The following ZNF738 variants were observed in gnomAD, a reference collection of about 807,000 sequenced individuals.
ZNF738 encodes the protein protein ZNF738.
ZNF738 carries 10 observed loss-of-function variants against 9.2 expected under a neutral mutation model. That is an observed-to-expected ratio of 1.09 (90% CI 0.67 to 1.85). The LOEUF is 1.85. Among genes scored for constraint, ZNF738 ranks in the 40% most tolerant of loss-of-function variants. The pLI, the probability that ZNF738 is intolerant of heterozygous loss-of-function variation, is 0.00. For missense variants in ZNF738, 346 were observed against 283.6 expected, an observed-to-expected ratio of 1.22 and a Z score of -1.58; for synonymous variants, 113 against 94.5, an observed-to-expected ratio of 1.20 and a Z score of -1.14.
chr19:21,359,479 G>A (rs1199729029), intron 1 of ZNF738, among the ~76,000 whole-genome samples: 1 of 152,194 alleles, frequency 6.6e-6, no homozygotes, highest in African/African-American at 2.4e-5. Flanking sequence ...TTGGGGTGCG[G>A]GTTCATGAAT....
intron 4 of ZNF738, chr19:21,378,224 T>G (rs1329143257): frequency 2.9e-6 from 1 of 346,300 alleles, no homozygotes; most frequent in East Asian, 4.0e-5. Flanking sequence ...TTTCAAATTT[T>G]GGGGAATAAT....
At chr19:21,359,164 A>G (rs1308817708) in intron 1 of ZNF738, 21 bp downstream of exon 1, 1 of 1,034,952 alleles carries the variant, frequency 9.7e-7, no homozygotes, top group African/African-American at 1.6e-5. Flanking sequence ...GGGGTCCAAC[A>G]TCCCGAGAGA....
In ZNF738 at chr19:21,386,784, C is replaced by T. The variant is rs1242827410; in HGVS notation, c.*3110C>T. The stretch of plus-strand genomic sequence containing the variant: ...GCAATACTGTGGCATGATTTCAGCT[C>T]ACTGCAACCTCCGTCTCCCAGGTTT... On this transcript the variant is annotated 3_prime_UTR_variant, in exon 5 of 5. Coordinates refer to ENST00000683779, the MANE Select transcript of ZNF738 (RefSeq NM_001355237.2). 5.8e-6 allele frequency: 1 copy of T among 173,078 alleles called. No homozygotes were observed. The highest frequency in any genetic ancestry group is 1.2e-5 in the Non-Finnish European group (1 of 81,128). 10.7% of individuals were successfully genotyped at this position (173,078 alleles called of 1,614,324 possible).
chr19:21,362,614 CT>C (rs1235510527), intron 2 of ZNF738, among the ~76,000 whole-genome samples: 1 of 152,126 alleles, frequency 6.6e-6, no homozygotes, highest in Non-Finnish European at 1.5e-5. Context: ...TTATTTTCAC[CT>C]GTTTTTTAGC....
chr19:21,372,004 C>A (rs1429857416), intron 2 of ZNF738: 1 of 152,820 alleles, frequency 6.5e-6, no homozygotes, highest in Non-Finnish European at 1.5e-5. Context: ...AGTGCAATGG[C>A]GCGATCTCAG....
intron 1 of ZNF738, among the ~76,000 whole-genome samples, chr19:21,361,126 TG>T (rs904055432): frequency 6.7e-6 from 1 of 149,978 alleles, no homozygotes; most frequent in Admixed American, 6.7e-5. Flanking sequence ...AATGGTGTTT[TG>T]GGGGTTTTTT....
intron 4 of ZNF738, among the ~76,000 whole-genome samples, chr19:21,380,819 C>A (rs1292038454): frequency 1.3e-5 from 2 of 152,080 alleles, no homozygotes; most frequent in Non-Finnish European, 2.9e-5. Context: ...GTCAGGACGT[C>A]CTGTCTCAGA....
chr19:21,379,986 T>C (rs1973985010), intron 4 of ZNF738, among the ~76,000 whole-genome samples: 1 of 152,166 alleles, frequency 6.6e-6, no homozygotes, highest in Non-Finnish European at 1.5e-5. Flanking sequence ...GGAAAATCAG[T>C]AACTAAGTAA....
intron 2 of ZNF738, among the ~76,000 whole-genome samples, chr19:21,362,267 T>C (rs1057372576): frequency 2.0e-5 from 3 of 152,014 alleles, no homozygotes; most frequent in Non-Finnish European, 4.4e-5. Flanking sequence ...AGCAGAAGAA[T>C]AGTGAAATAA....
chr19:21,379,249 A>G (rs1450458152), intron 4 of ZNF738: 2 of 151,902 alleles, frequency 1.3e-5, no homozygotes, highest in Admixed American at 1.3e-4. Flanking sequence ...TTTTGTTGGT[A>G]CTACATTGCC....
intron 4 of ZNF738, among the ~76,000 whole-genome samples, chr19:21,379,959 T>G (rs1973984821): frequency 6.6e-6 from 1 of 152,190 alleles, no homozygotes; most frequent in Non-Finnish European, 1.5e-5. Flanking sequence ...CATAGAATAC[T>G]TAATATGTCA....
chr19:21,359,280 C>T (rs1973650466), intron 1 of ZNF738, 137 bp downstream of exon 1: 1 of 774,268 alleles, frequency 1.3e-6, no homozygotes. Context: ...CCCAGCTCGG[C>T]CTCAGTCGCC....
Position 21,386,281 on chromosome 19 carries a change from C to G in ZNF738, c.*2607C>G, listed in dbSNP as rs958472176. On this transcript the variant is annotated 3_prime_UTR_variant, in exon 5 of 5. Coordinates refer to ENST00000683779, the MANE Select transcript of ZNF738 (RefSeq NM_001355237.2). ...TTACAAATGTGAAAAATGTAGCAAA[C>G]CTTTTAACTAATCCTCAACCCTTAC... 19 of 279,558 alleles carry G rather than the reference C, an allele frequency of 6.8e-5. No individual in the cohort carries two copies. Among genetic ancestry groups the G allele is most frequent in the African/African-American group, 4.3e-4 (19 of 44,582 alleles). The allele number at this position is 279,558 out of a possible 1,614,324, so 17.3% of individuals were successfully genotyped here. A position where few individuals can be genotyped will look rare whatever the true frequency, so the allele number is the denominator to read the frequency against.
At chr19:21,374,698 A>G (rs1327966392) in intron 2 of ZNF738, among the ~76,000 whole-genome samples, 1 of 152,174 alleles carries the variant, frequency 6.6e-6, no homozygotes, top group African/African-American at 2.4e-5. Context: ...AGGCCAGAAA[A>G]ATGGGGTAAA....
chr19:21,365,286 T>C (rs1369643435), intron 2 of ZNF738, among the ~76,000 whole-genome samples: 2 of 152,136 alleles, frequency 1.3e-5, no homozygotes, highest in Non-Finnish European at 2.9e-5. Context: ...TTATGACCTG[T>C]ATCCTGTGCT....
At position 21,386,402 on chromosome 19, in the gene ZNF738, C is replaced by A. The variant is rs1330359967; in HGVS notation, c.*2728C>A. 3 of 304,744 alleles carry A rather than the reference C, an allele frequency of 9.8e-6. No homozygotes were observed. The highest frequency in any genetic ancestry group is 4.4e-5 in the African/African-American group (2 of 45,202). 18.9% of individuals were successfully genotyped at this position (304,744 alleles called of 1,614,324 possible). On this transcript the variant is annotated 3_prime_UTR_variant, in exon 5 of 5. Transcript: ENST00000683779. ...CTTACTAAACATAAGATAACTCATA[C>A]TGGAGAAAAATCTTAGAAATGTGAA...
chr19:21,364,774 T>C (rs1190179846), intron 2 of ZNF738, among the ~76,000 whole-genome samples: 1 of 138,046 alleles, frequency 7.2e-6, no homozygotes, highest in East Asian at 2.1e-4. Context: ...TGAGAGGGAG[T>C]CTTGCTCTGT....
At chr19:21,377,228 A>T (rs1176850393) in intron 4 of ZNF738, among the ~76,000 whole-genome samples, 2 of 151,730 alleles carry the variant, frequency 1.3e-5, no homozygotes, top group Non-Finnish European at 2.9e-5. Flanking sequence ...AATCGCTTGA[A>T]CCCAGGAGGC....
intron 2 of ZNF738, chr19:21,372,242 G>A (rs1404114589): frequency 6.6e-6 from 1 of 152,048 alleles, no homozygotes; most frequent in East Asian, 1.9e-4. Context: ...GTGCCAGGCT[G>A]GGATTTAAGT....
Sources: allele counts gnomAD v4.1 joint callset (sites outside exome capture counted in the v4.1 genomes callset), GRCh38; gene constraint gnomAD v4.1.1; transcripts MANE v1.5; gene names NCBI Gene and HGNC (gene_info 2026-07-23, HGNC 2026-07-21).